The following GRB10 variants were observed in gnomAD, a reference collection of about 807,000 sequenced individuals.
GRB10 encodes growth factor receptor bound protein 10, also known as growth factor receptor-bound protein 10.
In GRB10, 20 loss-of-function variants were observed where a neutral mutation model predicts 80.9. The observed-to-expected ratio is 0.25, with a 90% CI of 0.17 to 0.36. The LOEUF (loss-of-function observed/expected upper bound fraction) is 0.36. Among genes scored for constraint, GRB10 ranks in the 10% least tolerant of loss-of-function variants. The pLI is 1.00. For missense variants in GRB10, 548 were observed against 747.7 expected (o/e 0.73, Z 3.12); for synonymous variants, 291 against 291.5 (o/e 1.00, Z 0.02).
intron 8 of GRB10, among the ~76,000 whole-genome samples, chr7:50,620,485 A>G (rs1468619960): frequency 2.6e-5 from 4 of 152,304 alleles, no homozygotes; most frequent in African/African-American, 9.6e-5. Context: ...ATGAGCCCCG[A>G]CCGGCATGCA....
intron 5 of GRB10, among the ~76,000 whole-genome samples, chr7:50,690,492 T>C (rs1036253786): frequency 2.6e-5 from 4 of 152,240 alleles, no homozygotes; most frequent in Non-Finnish European, 4.4e-5. Context: ...GAATTATTTC[T>C]TTCTAAGTTG....
intron 5 of GRB10, among the ~76,000 whole-genome samples, chr7:50,679,147 A>C (rs1469738328): frequency 2.0e-5 from 3 of 152,258 alleles, no homozygotes; most frequent in Admixed American, 6.5e-5. Flanking sequence ...AACCCAGTCC[A>C]AAACTGGGTA....
Position 50,660,249 on chromosome 7 carries a change from C to T in GRB10, c.504+9473G>A, listed in dbSNP as rs181548936. ...TGGCAGGGAGGCGCAACTGCGGTGC[C>T]GCATTCAAATGGGAAGTGGGGGTGC... On this transcript the variant is annotated intron_variant, in intron 7 of 18. Transcript: ENST00000401949. 3.2e-3 allele frequency among the ~76,000 whole-genome samples: 487 copies of T among 152,162 alleles called. 3 individuals carry two copies. Among genetic ancestry groups the T allele is most frequent in the Admixed American group, 6.7e-3 (103 of 15,284 alleles).
At chr7:50,634,930 C>T (rs2054669708) in intron 7 of GRB10, among the ~76,000 whole-genome samples, 1 of 152,172 alleles carries the variant, frequency 6.6e-6, no homozygotes, top group East Asian at 1.9e-4. Context: ...GACAGCAATA[C>T]CATAATAGTG....
At chr7:50,694,182 G>A (rs1002158187) in intron 5 of GRB10, among the ~76,000 whole-genome samples, 3 of 152,180 alleles carry the variant, frequency 2.0e-5, no homozygotes, top group African/African-American at 7.2e-5. Context: ...AAATTAGCCA[G>A]GTGTCATGGC....
chr7:50,671,093 A>G (rs74517982), intron 6 of GRB10, among the ~76,000 whole-genome samples: 1,726 of 152,304 alleles, frequency 0.011, 30 homozygotes, highest in African/African-American at 0.039. Context: ...TCCCCTCTGT[A>G]GAGTAACTTC....
At chr7:50,677,818 G>A (rs142192844) in intron 5 of GRB10, among the ~76,000 whole-genome samples, 308 of 152,300 alleles carry the variant, frequency 2.0e-3, no homozygotes, top group Admixed American at 3.7e-3. Flanking sequence ...ATGCAGGTTG[G>A]TCTCAATGCC....
chr7:50,774,086 A>G (rs1218382547), intron 2 of GRB10, among the ~76,000 whole-genome samples: 1 of 152,264 alleles, frequency 6.6e-6, no homozygotes, highest in African/African-American at 2.4e-5. Context: ...ACATTATGCT[A>G]AGTGAAAGAA....
At chr7:50,745,881 A>G (rs1393003094) in intron 3 of GRB10, among the ~76,000 whole-genome samples, 1 of 152,242 alleles carries the variant, frequency 6.6e-6, no homozygotes, top group Non-Finnish European at 1.5e-5. Context: ...CACACTTTCT[A>G]GATGCTAAAG....
intron 3 of GRB10, 54 bp downstream of exon 3, chr7:50,755,833 G>A (rs2153703255): frequency 7.5e-6 from 3 of 398,644 alleles, no homozygotes; most frequent in Non-Finnish European, 1.3e-5. Flanking sequence ...TACTGAACAG[G>A]CGACTCTCCT....
chr7:50,631,665 G>A (rs939161777), intron 7 of GRB10, among the ~76,000 whole-genome samples: 14 of 152,242 alleles, frequency 9.2e-5, no homozygotes, highest in African/African-American at 3.1e-4. Context: ...TCCCGAAGAC[G>A]TGATATGAGG....
chr7:50,689,308 G>A (rs1034817053), intron 5 of GRB10, among the ~76,000 whole-genome samples: 2 of 152,228 alleles, frequency 1.3e-5, no homozygotes, highest in Admixed American at 1.3e-4. Context: ...GAAGCCTGCT[G>A]CAATTATTTT....
rs780107439 is a variant in GRB10, at chr7:50,604,842, G to A, written c.1389+448C>T. ...CTTTAAGTCTCAGGACTTAGAAGCCGAGTGATAGTCTTCCCACCTGGAGAT... is the reference window on the plus strand; with the variant it reads ...CTTTAAGTCTCAGGACTTAGAAGCCAAGTGATAGTCTTCCCACCTGGAGAT... On this transcript the variant is annotated intron_variant, in intron 15 of 18. Coordinates refer to ENST00000401949, the MANE Select transcript of GRB10 (RefSeq NM_001350814.2). The A allele has an allele frequency of 1.4e-5, 4 of 290,852 alleles. No homozygotes were observed. In the East Asian group the frequency reaches 3.6e-4, roughly 26 times the overall value. The allele number at this position is 290,852 out of a possible 1,614,324, so 18.0% of individuals were successfully genotyped here.
intron 3 of GRB10, among the ~76,000 whole-genome samples, chr7:50,753,588 T>C (rs4947844): frequency 0.064 from 9,707 of 152,190 alleles, 695 homozygotes; most frequent in Admixed American, 0.18. Flanking sequence ...GGCTCAAACT[T>C]GTCAAGTGGG....
chr7:50,595,788 A>G, intron 17 of GRB10: 1 of 447,076 alleles, frequency 2.2e-6, no homozygotes, highest in East Asian at 4.7e-5. Context: ...GCCTGACTAC[A>G]GGGTTAGGGC....
At chr7:50,760,241 G>A (rs2286155) in intron 2 of GRB10, among the ~76,000 whole-genome samples, 9,731 of 152,228 alleles carry the variant, frequency 0.064, 702 homozygotes, top group Admixed American at 0.18. Flanking sequence ...AACAGCGACT[G>A]AGCAGAAAAC....
intron 7 of GRB10, among the ~76,000 whole-genome samples, chr7:50,653,698 G>A (rs78170207): frequency 2.6e-5 from 4 of 152,292 alleles, no homozygotes; most frequent in South Asian, 2.1e-4. Context: ...CTGGTGAAAC[G>A]ATGCATCGGG....
At chr7:50,687,197 C>T (rs1403979325) in intron 5 of GRB10, among the ~76,000 whole-genome samples, 2 of 152,208 alleles carry the variant, frequency 1.3e-5, no homozygotes, top group Non-Finnish European at 2.9e-5. Context: ...GAGGGTAACC[C>T]ACCAGGTACA....
intron 6 of GRB10, among the ~76,000 whole-genome samples, chr7:50,670,503 A>C (rs2060246281): frequency 7.8e-6 from 1 of 128,376 alleles, no homozygotes; most frequent in Admixed American, 9.7e-5. Flanking sequence ...ATTGGGTATC[A>C]ATTCTCTTCT....
Sources: allele counts gnomAD v4.1 joint callset (sites outside exome capture counted in the v4.1 genomes callset), GRCh38; gene constraint gnomAD v4.1.1; transcripts MANE v1.5; gene names NCBI Gene and HGNC (gene_info 2026-07-23, HGNC 2026-07-21).